Variants in GLG1 observed in about 807,000 individuals in gnomAD.
GLG1 encodes golgi glycoprotein 1.
GLG1 carries 38 observed loss-of-function variants against 160.5 expected under a neutral mutation model. That is an observed-to-expected ratio of 0.24 (90% CI 0.18 to 0.31). The LOEUF (loss-of-function observed/expected upper bound fraction) is 0.31, where lower values mean the gene tolerates loss of function less well. Among genes scored for constraint, GLG1 ranks in the 10% least tolerant of loss-of-function variants. The pLI is 1.00. For missense variants in GLG1, 1,373 were observed against 1,505.2 expected, an observed-to-expected ratio of 0.91 and a Z score of 1.45; for synonymous variants, 644 against 543.4, an observed-to-expected ratio of 1.19 and a Z score of -2.57.
At chr16:74,578,825 G>A (rs1379815143) in intron 1 of GLG1, among the ~76,000 whole-genome samples, 3 of 152,180 alleles carry the variant, frequency 2.0e-5, no homozygotes, top group Non-Finnish European at 4.4e-5. Flanking sequence ...GTCATTCTGT[G>A]AAAACAAGAT....
chr16:74,471,769 T>C (rs1030878881), intron 14 of GLG1, among the ~76,000 whole-genome samples: 4 of 152,188 alleles, frequency 2.6e-5, no homozygotes, highest in African/African-American at 4.8e-5. Context: ...CAACCCTGCA[T>C]ACTAATGGGG....
rs751551518 is a variant in GLG1 at position 74,465,850 on chromosome 16, C to T, written c.2530-37G>A. 6.1e-5 allele frequency: 97 copies of T among 1,589,694 alleles called. No individual in the cohort carries two copies. The Admixed American group carries it at 8.2e-4, about 13-fold the overall frequency. Reference sequence around the variant, plus strand: ...GAGTTATAGTCAAGTTGAGAGATGTCAGAGACTGCTCATCCATGTGTTCTG... The same window carrying T: ...GAGTTATAGTCAAGTTGAGAGATGTTAGAGACTGCTCATCCATGTGTTCTG... On this transcript the variant is annotated intron_variant, in intron 18 of 25. Transcript: ENST00000422840.
At position 74,606,791 on chromosome 16, in the gene GLG1, C is replaced by T; in HGVS notation, c.304G>A (p.Gly102Arg). The part of the protein sequence containing the change: ...FPAGGPPARR[G>R]GAGAGGGWKL... ...CAGCCCCCACCAGCCCCCGCTCCTC[C>T]CCGCCGGGCCGGAGGCCCACCCGCC... Residue 102 changes from glycine to arginine, a missense_variant, in exon 1 of 26, where the codon GGA becomes AGA. Coordinates refer to ENST00000422840, the MANE Select transcript of GLG1 (RefSeq NM_001145667.2). The T allele has an allele frequency of 2.5e-6, 4 of 1,601,598 alleles. No individual in the cohort carries two copies. The highest frequency in any genetic ancestry group is 3.4e-6 in the Non-Finnish European group (4 of 1,174,414).
At chr16:74,522,411 T>A (rs994037667) in intron 2 of GLG1, among the ~76,000 whole-genome samples, 3 of 152,272 alleles carry the variant, frequency 2.0e-5, no homozygotes, top group South Asian at 4.1e-4. Flanking sequence ...GTATTGGCAC[T>A]GTCAAGGTAC....
rs750748045 is a variant in GLG1 at position 74,477,517 on chromosome 16, C to T, written c.1844G>A (p.Arg615Gln). The T allele has an allele frequency of 3.1e-6, 5 of 1,613,148 alleles. No homozygotes were observed. The highest frequency in any genetic ancestry group is 2.2e-5 in the East Asian group (1 of 44,868). Reference protein sequence around the residue: ...EQGRRLSRECRAEVQRILHQR... With the variant: ...EQGRRLSRECQAEVQRILHQR... ...GTGTAGGATCCTTTGGACTTCAGCT[C>T]GGCACTCCCGTGAGAGCTGCATGAG... Residue 615 changes from arginine to glutamine, a missense_variant, in exon 12 of 26, where the codon CGA becomes CAA. Transcript: ENST00000422840.
rs763242901 is a variant in GLG1, at chr16:74,494,755, C to G, written c.1050+5G>C. ...AACATTCATTAGTTTCAAAATAATACTTACCTTTTCACTCATGGATTCTTC... is the reference window on the plus strand; with the variant it reads ...AACATTCATTAGTTTCAAAATAATAGTTACCTTTTCACTCATGGATTCTTC... On this transcript the variant is annotated splice_donor_5th_base_variant and intron_variant, in intron 6 of 25. Transcript: ENST00000422840. 1 of 1,261,312 alleles carries G rather than the reference C, an allele frequency of 7.9e-7. No homozygotes were observed. Among genetic ancestry groups the G allele is most frequent in the Non-Finnish European group, 1.2e-6 (1 of 859,364 alleles). The allele number at this position is 1,261,312 out of a possible 1,614,324, so 78.1% of individuals were successfully genotyped here.
intron 1 of GLG1, among the ~76,000 whole-genome samples, chr16:74,573,820 G>A (rs993940358): frequency 6.6e-6 from 1 of 150,508 alleles, no homozygotes; most frequent in African/African-American, 2.4e-5. Flanking sequence ...TTTAAACGGG[G>A]TCTCACTCTG....
intron 1 of GLG1, among the ~76,000 whole-genome samples, chr16:74,599,707 G>C (rs977908611): frequency 6.6e-6 from 1 of 151,994 alleles, no homozygotes; most frequent in Admixed American, 6.6e-5. Context: ...TACTAAAAAT[G>C]CAAAAAATTA....
chr16:74,459,854 CT>C (rs71158515), intron 22 of GLG1, 65 bp from the exon 23 acceptor site: 40,628 of 603,710 alleles, frequency 0.067, no homozygotes, highest in South Asian at 0.11. Context: ...ACAGTTTCTT[CT>C]TTTTTTTTTT....
rs2014943367 is a variant in GLG1, at chr16:74,464,896, G to A, written c.2667+780C>T. Among the ~76,000 whole-genome samples the A allele has an allele frequency of 2.0e-5, 3 of 152,066 alleles. No individual in the cohort carries two copies. In the East Asian group the frequency reaches 5.8e-4, roughly 29 times the overall value. On this transcript the variant is annotated intron_variant, in intron 19 of 25. Transcript: ENST00000422840. ...CTTACTCTGTCGCTCAGGCTGGAGTGCAGTGGCATGACCTTGGCTCACTGC... is the reference window on the plus strand; with the variant it reads ...CTTACTCTGTCGCTCAGGCTGGAGTACAGTGGCATGACCTTGGCTCACTGC...
chr16:74,606,310 C>T (rs1162946181), intron 1 of GLG1, among the ~76,000 whole-genome samples: 3 of 152,154 alleles, frequency 2.0e-5, no homozygotes, highest in Non-Finnish European at 4.4e-5. Flanking sequence ...AAACTGATGG[C>T]AAAATCCTAA....
intron 1 of GLG1, among the ~76,000 whole-genome samples, chr16:74,551,898 A>C (rs1429005391): frequency 1.3e-5 from 2 of 151,444 alleles, no homozygotes; most frequent in African/African-American, 4.8e-5. Context: ...AAGGTAGTCT[A>C]GAATAGGGAG....
chr16:74,469,786 C>T, intron 16 of GLG1, 199 bp downstream of exon 16: 1 of 584,524 alleles, frequency 1.7e-6, no homozygotes, highest in Non-Finnish European at 3.1e-6. Context: ...CCTATGGGAC[C>T]TCCATGTGAG....
intron 1 of GLG1, among the ~76,000 whole-genome samples, chr16:74,555,921 C>A (rs2018340193): frequency 1.3e-5 from 2 of 151,668 alleles, no homozygotes; most frequent in Non-Finnish European, 2.9e-5. Context: ...CTCGCTGCAG[C>A]CTCACTCTTC....
chr16:74,589,797 C>T (rs1217840924), intron 1 of GLG1, among the ~76,000 whole-genome samples: 2 of 152,054 alleles, frequency 1.3e-5, no homozygotes, highest in Non-Finnish European at 2.9e-5. Flanking sequence ...CTTGGCCGAG[C>T]ACGGTGGTAC....
At chr16:74,473,568 T>C (rs1253658664) in intron 13 of GLG1, among the ~76,000 whole-genome samples, 3 of 150,940 alleles carry the variant, frequency 2.0e-5, no homozygotes, top group Non-Finnish European at 4.4e-5. Flanking sequence ...GCCTCCCGAG[T>C]AGCTGGGACT....
chr16:74,452,240 A>G lies in GLG1; in HGVS notation c.*927T>C. 1 of 1,527,432 alleles carries G rather than the reference A, an allele frequency of 6.5e-7. No individual in the cohort carries two copies. Among genetic ancestry groups the G allele is most frequent in the Non-Finnish European group, 8.8e-7 (1 of 1,137,978 alleles). The allele number at this position is 1,527,432 out of a possible 1,614,324, so 94.6% of individuals were successfully genotyped here. On this transcript the variant is annotated 3_prime_UTR_variant, in exon 26 of 26. Coordinates refer to ENST00000422840, the MANE Select transcript of GLG1 (RefSeq NM_001145667.2). ...CCCGCCACAGTCCTGCCTCCTGATG[A>G]AGCGCAGAGCTTCCAGAGTGACTGT...
rs890722617 is a variant in GLG1, at chr16:74,597,940, C to A, written c.438+8717G>T. On this transcript the variant is annotated intron_variant, in intron 1 of 25. Transcript: ENST00000422840. Reference sequence around the variant, plus strand: ...CTGAGGCAGGAGAATCGCTTGAACCCGGGAGCCAGAGATTACAGTGAGCTG... The same window carrying A: ...CTGAGGCAGGAGAATCGCTTGAACCAGGGAGCCAGAGATTACAGTGAGCTG... Among the ~76,000 whole-genome samples, 3 of 151,716 alleles carry A rather than the reference C, an allele frequency of 2.0e-5. No individual in the cohort carries two copies. The East Asian group carries it at 5.8e-4, about 29-fold the overall frequency.
At position 74,452,982 on chromosome 16, in the gene GLG1, G is replaced by A; in HGVS notation, c.*185C>T. Reference sequence around the variant, plus strand: ...CGACCAGCTGCTGCTGCTGCACGGTGAGGAGGAGGAGGACACCATGGACAC... The same window carrying A: ...CGACCAGCTGCTGCTGCTGCACGGTAAGGAGGAGGAGGACACCATGGACAC... On this transcript the variant is annotated 3_prime_UTR_variant, in exon 26 of 26. Coordinates refer to ENST00000422840, the MANE Select transcript of GLG1 (RefSeq NM_001145667.2). 1 of 1,264,190 alleles carries A rather than the reference G, an allele frequency of 7.9e-7. No homozygotes were observed. Among genetic ancestry groups the A allele is most frequent in the Non-Finnish European group, 1.0e-6 (1 of 999,430 alleles). The allele number at this position is 1,264,190 out of a possible 1,614,324, so 78.3% of individuals were successfully genotyped here.
Sources: gnomAD v4.1 joint callset for allele counts (sites outside exome capture counted in the v4.1 genomes callset) on GRCh38, gnomAD v4.1.1 for gene constraint, MANE v1.5 for transcripts, NCBI Gene and HGNC (gene_info 2026-07-23, HGNC 2026-07-21) for gene names.